Variants in FOXN3 observed in about 807,000 individuals in gnomAD.
FOXN3 encodes the protein forkhead box N3.
Under a neutral mutation model 38.4 loss-of-function variants are expected in FOXN3, and 7 were observed. The ratio of observed to expected loss-of-function variants is 0.18; its 90% CI spans 0.10 to 0.34. The LOEUF (loss-of-function observed/expected upper bound fraction) is 0.34, where lower values mean the gene tolerates loss of function less well. FOXN3 is among the 10% of genes least tolerant of loss of function. FOXN3 has a pLI of 1.00. For synonymous variants in FOXN3, 230 were observed against 242.2 expected, an observed-to-expected ratio of 0.95 and a Z score of 0.47; for missense variants, 456 against 613.4, an observed-to-expected ratio of 0.74 and a Z score of 2.71.
chr14:89,277,608 C>T (rs1044350793), intron 4 of FOXN3, among the ~76,000 whole-genome samples: 1 of 152,158 alleles, frequency 6.6e-6, no homozygotes, highest in African/African-American at 2.4e-5. Flanking sequence ...AAAATACAGG[C>T]ACCCGACGTC....
chr14:89,435,344 C>T (rs1892254283), intron 1 of FOXN3, among the ~76,000 whole-genome samples: 1 of 151,076 alleles, frequency 6.6e-6, no homozygotes, highest in African/African-American at 2.4e-5. Flanking sequence ...TGCACTCCAG[C>T]CTGGGTGACA....
chr14:89,267,503 C>T (rs1179365090), intron 4 of FOXN3, among the ~76,000 whole-genome samples: 1 of 152,140 alleles, frequency 6.6e-6, no homozygotes, highest in East Asian at 1.9e-4. Flanking sequence ...AGCAGAAACT[C>T]AGATCACTAT....
At chr14:89,320,729 G>C (rs1452215252) in intron 3 of FOXN3, among the ~76,000 whole-genome samples, 1 of 152,200 alleles carries the variant, frequency 6.6e-6, no homozygotes, top group Admixed American at 6.5e-5. Context: ...CTGATAGCAT[G>C]AGGAAGGAGA....
At chr14:89,204,131 G>A (rs963167305) in intron 4 of FOXN3, among the ~76,000 whole-genome samples, 32 of 147,668 alleles carry the variant, frequency 2.2e-4, no homozygotes, top group East Asian at 4.0e-4. Flanking sequence ...CCACAGGAGC[G>A]ATCTCTCTCT....
intron 4 of FOXN3, among the ~76,000 whole-genome samples, chr14:89,194,394 G>T (rs1888042614): frequency 6.6e-6 from 1 of 152,104 alleles, no homozygotes; most frequent in Non-Finnish European, 1.5e-5. Context: ...TCCTTAACTA[G>T]CAAGCTGGTT....
chr14:89,461,328 C>A lies in FOXN3; in HGVS notation c.-14-48838G>T, dbSNP rs377518964. On this transcript the variant is annotated intron_variant, in intron 1 of 6. Coordinates refer to the FOXN3 transcript ENST00000345097. ...CTCCAGGCCAGGCGACAGAGTGAGGCTCTGTCTCAAAAAAAAAAAAAAATC... is the reference window on the plus strand; with the variant it reads ...CTCCAGGCCAGGCGACAGAGTGAGGATCTGTCTCAAAAAAAAAAAAAAATC... Among the ~76,000 whole-genome samples, 124 of 150,828 alleles carry A rather than the reference C, an allele frequency of 8.2e-4. 2 individuals carry two copies. The highest frequency in any genetic ancestry group is 2.9e-3 in the African/African-American group (120 of 40,920).
intron 1 of FOXN3, among the ~76,000 whole-genome samples, chr14:89,614,699 C>T (rs1048064878): frequency 6.6e-6 from 1 of 152,222 alleles, no homozygotes; most frequent in Non-Finnish European, 1.5e-5. Flanking sequence ...GCCCAGGTGA[C>T]AATAGCAGGC....
chr14:89,421,749 G>A (rs1596266351), upstream of FOXN3, among the ~76,000 whole-genome samples: 1 of 151,554 alleles, frequency 6.6e-6, no homozygotes, highest in Non-Finnish European at 1.5e-5. Context: ...GGCTGGTCTC[G>A]AGCTGCCAAC....
chr14:89,306,182 G>A (rs868205713), intron 3 of FOXN3, among the ~76,000 whole-genome samples: 7 of 152,190 alleles, frequency 4.6e-5, no homozygotes, highest in Middle Eastern at 6.8e-3. Context: ...TCCCTGAGGC[G>A]AGCCTCCTTG....
At chr14:89,248,294 T>C (rs1029745577) in intron 4 of FOXN3, among the ~76,000 whole-genome samples, 1 of 152,260 alleles carries the variant, frequency 6.6e-6, no homozygotes, top group Non-Finnish European at 1.5e-5. Context: ...TTTACAAATA[T>C]GTGAACTGAT....
intron 3 of FOXN3, among the ~76,000 whole-genome samples, chr14:89,344,029 T>C (rs1292198682): frequency 6.6e-6 from 1 of 152,208 alleles, no homozygotes; most frequent in Non-Finnish European, 1.5e-5. Flanking sequence ...CCCAAAGTGC[T>C]GGGATTACAG....
intron 1 of FOXN3, among the ~76,000 whole-genome samples, chr14:89,508,975 C>T (rs1236004972): frequency 1.3e-5 from 2 of 152,160 alleles, no homozygotes; most frequent in African/African-American, 4.8e-5. Context: ...GATGTCATAT[C>T]ACCTCCCTGG....
chr14:89,446,211 C>CA (rs1281413094), intron 1 of FOXN3, among the ~76,000 whole-genome samples: 2 of 97,788 alleles, frequency 2.0e-5, no homozygotes, highest in East Asian at 6.7e-4. Context: ...TTTTTTGAGA[C>CA]AGAGTCTCAC....
chr14:89,168,125 T>A (rs936083686), intron 5 of FOXN3, among the ~76,000 whole-genome samples: 1 of 152,002 alleles, frequency 6.6e-6, no homozygotes, highest in Non-Finnish European at 1.5e-5. Flanking sequence ...TTAAACACAA[T>A]GGGAATAAGC....
intron 3 of FOXN3, among the ~76,000 whole-genome samples, chr14:89,320,877 G>A (rs558365636): frequency 3.9e-5 from 6 of 152,240 alleles, no homozygotes; most frequent in South Asian, 4.1e-4. Context: ...CAACACAAAC[G>A]GCAGACAGCA....
rs772112469 is a variant in FOXN3, at chr14:89,412,512, A to G, written c.-14-22T>C. The G allele has an allele frequency of 6.4e-7, 1 of 1,555,950 alleles. No individual in the cohort carries two copies. The highest frequency in any genetic ancestry group is 1.2e-5 in the South Asian group (1 of 82,672). ...GCTCCTAGTAAAGACATCACAAAGA[A>G]ATGATGAGCTGGCGAGGCCCAAAAC... is the stretch of plus-strand genomic sequence containing the variant. On this transcript the variant is annotated intron_variant, in intron 1 of 5. Coordinates refer to ENST00000557258, the MANE Select transcript of FOXN3 (RefSeq NM_005197.4). This position sits in a 1 kb window ranked among gnomAD's most constrained non-coding sequence, Gnocchi z 4.7.
intron 4 of FOXN3, among the ~76,000 whole-genome samples, chr14:89,233,931 C>A (rs931244838): frequency 6.6e-6 from 1 of 152,224 alleles, no homozygotes; most frequent in Non-Finnish European, 1.5e-5. Flanking sequence ...TACAGGTAGT[C>A]CCTGAAGGAA....
chr14:89,266,958 T>G (rs1023813910), intron 4 of FOXN3, among the ~76,000 whole-genome samples: 1 of 152,136 alleles, frequency 6.6e-6, no homozygotes, highest in Non-Finnish European at 1.5e-5. Context: ...CATGAGTCAA[T>G]GCACAGACAG....
intron 1 of FOXN3, among the ~76,000 whole-genome samples, chr14:89,479,863 G>A (rs1483167405): frequency 6.6e-6 from 1 of 152,078 alleles, no homozygotes; most frequent in East Asian, 1.9e-4. Flanking sequence ...ATTACCAAAG[G>A]TGCTAACTGG....
Sources: gnomAD v4.1 joint callset for allele counts (sites outside exome capture counted in the v4.1 genomes callset) on GRCh38, gnomAD v4.1.1 for gene constraint, Gnocchi (gnomAD v3.1) non-coding constraint, MANE v1.5 for transcripts, NCBI Gene and HGNC (gene_info 2026-07-23, HGNC 2026-07-21) for gene names.